ANKRD26: variants seen among roughly 807,000 people sequenced by gnomAD.
The protein encoded by ANKRD26 is ankyrin repeat domain-containing protein 26.
In ANKRD26, 141 loss-of-function variants were observed where a neutral mutation model predicts 208.7. The ratio of observed to expected loss-of-function variants is 0.68; its 90% CI spans 0.59 to 0.78. ANKRD26 has a LOEUF of 0.78. Among genes scored for constraint, ANKRD26 ranks in the 30% least tolerant of loss-of-function variants. The pLI is 0.00. For synonymous variants in ANKRD26, 636 were observed against 660.4 expected (o/e 0.96, Z 0.57); for missense variants, 1,889 against 1,938.7 (o/e 0.97, Z 0.48).
At chr10:26,986,151 T>C (rs924154997) in intron 3 of ANKRD26, among the ~76,000 whole-genome samples, 38 of 152,162 alleles carry the variant, frequency 2.5e-4, no homozygotes, top group African/African-American at 8.2e-4. Flanking sequence ...TGATCTTTGA[T>C]AAGCCTGACA....
chr10:26,970,296 T>A (rs374277322), downstream of ANKRD26, among the ~76,000 whole-genome samples: 1 of 152,126 alleles, frequency 6.6e-6, no homozygotes, highest in Non-Finnish European at 1.5e-5. Context: ...GATTGGATCA[T>A]GGGGGTGGAA....
At chr10:27,002,507 GT>G (rs1400323554), downstream of ANKRD26, among the ~76,000 whole-genome samples, 1 of 152,168 alleles carries the variant, frequency 6.6e-6, no homozygotes, top group Non-Finnish European at 1.5e-5. Flanking sequence ...TAGAGTGAGG[GT>G]GGGTGTATGT....
At chr10:26,949,280 GTCC>G in the ANKRD26 span, among the ~76,000 whole-genome samples, 1 of 151,932 alleles carries the variant, frequency 6.6e-6, no homozygotes. Flanking sequence ...TGATATACAT[GTCC>G]TCATTTTTTT....
downstream of ANKRD26, among the ~76,000 whole-genome samples, chr10:26,987,556 G>C (rs969383113): frequency 1.3e-5 from 2 of 152,120 alleles, no homozygotes; most frequent in African/African-American, 4.8e-5. Flanking sequence ...CTGTATACCA[G>C]TCTATCTCAG....
intron 5 of ANKRD26, 82 bp downstream of exon 5, chr10:27,086,457 T>C: frequency 1.3e-6 from 2 of 1,554,606 alleles, no homozygotes; most frequent in East Asian, 2.3e-5. Context: ...TAAAACTGCT[T>C]TTCTGTGATC....
downstream of ANKRD26, among the ~76,000 whole-genome samples, chr10:27,002,563 AC>A (rs942693799): frequency 1.3e-5 from 2 of 152,158 alleles, no homozygotes; most frequent in African/African-American, 4.8e-5. Flanking sequence ...GCTGGTTCCC[AC>A]CCTGCACCCT....
At chr10:27,092,793 A>C (rs1433152542) in intron 3 of ANKRD26, among the ~76,000 whole-genome samples, 2 of 152,140 alleles carry the variant, frequency 1.3e-5, no homozygotes, top group African/African-American at 4.8e-5. Context: ...CAAAACCAAG[A>C]GCTTCTAGGC....
At chr10:26,975,054 G>A (rs537602307) in exon 6 of ANKRD26, among the ~76,000 whole-genome samples, 1 of 152,278 alleles carries the variant, frequency 6.6e-6, no homozygotes, top group Admixed American at 6.5e-5. Flanking sequence ...CCAGGGGGTT[G>A]TGTTACAGGA....
At chr10:26,959,044 G>C in the ANKRD26 span, among the ~76,000 whole-genome samples, 1 of 152,216 alleles carries the variant, frequency 6.6e-6, no homozygotes, top group African/African-American at 2.4e-5. Flanking sequence ...TTTCTCTAAT[G>C]ATCAGTGATG....
At chr10:26,952,714 C>T in the ANKRD26 span, among the ~76,000 whole-genome samples, 1 of 152,138 alleles carries the variant, frequency 6.6e-6, no homozygotes, top group Admixed American at 6.6e-5. Context: ...TCAAGACTTC[C>T]AACATTACTG....
chr10:26,979,383 C>A (rs2052274657), intron 5 of ANKRD26, among the ~76,000 whole-genome samples: 1 of 152,132 alleles, frequency 6.6e-6, no homozygotes, highest in Non-Finnish European at 1.5e-5. Flanking sequence ...AAAGAGAAGG[C>A]TGGTCCACAA....
chr10:26,947,660 A>T, the ANKRD26 span, among the ~76,000 whole-genome samples: 3 of 152,222 alleles, frequency 2.0e-5, no homozygotes, highest in South Asian at 2.1e-4. Flanking sequence ...CCAAATTCTC[A>T]GTGAGGAAGC....
chr10:27,013,013 C>T lies in ANKRD26; in HGVS notation c.4822G>A (p.Glu1608Lys). The change falls in exon 32 of 34, where the codon GAG becomes AAG. Residue 1608 changes from glutamate (E) to lysine (K), a missense_variant. Glu to Lys is a moderately conservative substitution (Grantham distance 56). Around this residue, in one of 3 missense-constraint regions of ANKRD26, gnomAD observed 613 missense variants for 648.2 expected, o/e 0.95. Transcript: ENST00000376087. ...TTAAGATTTCCCACACAAGGTGGCT[C>T]CATGACTGGCCTGGTAGTGAGAGTG... The part of the protein sequence containing the change: ...FTTLTTRPVM[E>K]PPCVGNLNNS... 6.2e-7 allele frequency: 1 copy of T among 1,614,066 alleles called. No individual in the cohort carries two copies. The highest frequency in any genetic ancestry group is 1.1e-5 in the South Asian group (1 of 91,080).
the ANKRD26 span, among the ~76,000 whole-genome samples, chr10:26,949,308 T>C: frequency 1.3e-5 from 2 of 152,088 alleles, no homozygotes; most frequent in Non-Finnish European, 2.9e-5. Flanking sequence ...AATACAGACA[T>C]TGTTTCATTT....
At chr10:27,038,581 G>A (rs1389783823) in intron 21 of ANKRD26, among the ~76,000 whole-genome samples, 1 of 151,686 alleles carries the variant, frequency 6.6e-6, no homozygotes, top group Non-Finnish European at 1.5e-5. Flanking sequence ...AACCCGGGAG[G>A]CGGATGTTGC....
At chr10:27,079,436 C>G (rs1046148097) in intron 6 of ANKRD26, among the ~76,000 whole-genome samples, 2 of 152,170 alleles carry the variant, frequency 1.3e-5, no homozygotes, top group African/African-American at 2.4e-5. Flanking sequence ...ATAGTGACAG[C>G]CAAGATAATG....
intron 1 of ANKRD26, among the ~76,000 whole-genome samples, chr10:27,098,347 C>G (rs2056533109): frequency 6.6e-6 from 1 of 151,726 alleles, no homozygotes; most frequent in South Asian, 2.1e-4. Flanking sequence ...TAAAAGTTGT[C>G]AGACGATAGC....
In ANKRD26 at chr10:27,051,152, T is replaced by C. The variant is rs774953389; in HGVS notation, c.1635+2168A>G. 3.1e-6 allele frequency: 4 copies of C among 1,290,264 alleles called. No homozygotes were observed. In the South Asian group the frequency reaches 3.7e-5, roughly 12 times the overall value. 79.9% of individuals were successfully genotyped at this position (1,290,264 alleles called of 1,614,324 possible). ...TTTTAAACCTTTGCATATCTTGCTGTAATTCTTCTTTTAGAGATACTTTTG... is the reference window on the plus strand; with the variant it reads ...TTTTAAACCTTTGCATATCTTGCTGCAATTCTTCTTTTAGAGATACTTTTG... On this transcript the variant is annotated intron_variant, in intron 16 of 33. Coordinates refer to ENST00000376087, the MANE Select transcript of ANKRD26 (RefSeq NM_014915.3).
chr10:26,963,903 GTT>G, the ANKRD26 span, among the ~76,000 whole-genome samples: 1 of 71,848 alleles, frequency 1.4e-5, no homozygotes, highest in Non-Finnish European at 2.3e-5. Context: ...TGGTTGGTTG[GTT>G]TTTTTTTTTT....
Sources: gnomAD v4.1 joint callset for allele counts (sites outside exome capture counted in the v4.1 genomes callset) on GRCh38, gnomAD v4.1.1 for gene constraint, gnomAD v4.1.1 regional missense constraint, MANE v1.5 for transcripts, NCBI Gene and HGNC (gene_info 2026-07-23, HGNC 2026-07-21) for gene names.